RAB7A: variants seen among roughly 807,000 people sequenced by gnomAD.
RAB7A encodes the protein ras-related protein Rab-7a.
A neutral mutation model predicts 24.5 loss-of-function variants in RAB7A; 2 were observed. The observed-to-expected ratio is 0.08, with a 90% confidence interval of 0.03 to 0.26. RAB7A has a LOEUF of 0.26. Among genes scored for constraint, RAB7A ranks in the 10% least tolerant of loss-of-function variants. The probability of loss-of-function intolerance (pLI) is 1.00; values close to 1 mark genes in which losing one functional copy is unlikely to be tolerated. For missense variants in RAB7A, 118 were observed against 255.7 expected, an observed-to-expected ratio of 0.46 and a Z score of 3.67; for synonymous variants, 100 against 95.9, an observed-to-expected ratio of 1.04 and a Z score of -0.25.
intron 1 of RAB7A, among the ~76,000 whole-genome samples, chr3:128,790,352 T>G (rs1270856974): frequency 6.6e-6 from 1 of 152,204 alleles, no homozygotes; most frequent in African/African-American, 2.4e-5. Flanking sequence ...AGAAATTGAT[T>G]TGAAAAAATC....
At chr3:128,753,527 G>T (rs1576277738) in intron 1 of RAB7A, among the ~76,000 whole-genome samples, 2 of 152,272 alleles carry the variant, frequency 1.3e-5, no homozygotes, top group East Asian at 3.9e-4. Context: ...TAGTCTTTTT[G>T]TGCTGCTATA....
At chr3:128,794,233 A>T (rs1022529383) in intron 1 of RAB7A, among the ~76,000 whole-genome samples, 2 of 152,190 alleles carry the variant, frequency 1.3e-5, no homozygotes, top group African/African-American at 4.8e-5. Flanking sequence ...TGTATTTGGC[A>T]TACCTTAAGA....
rs1407284852 is a variant in RAB7A, at chr3:128,813,905, C to G, written c.*483C>G. 2 of 240,146 alleles carry G rather than the reference C, an allele frequency of 8.3e-6. No homozygotes were observed. Among genetic ancestry groups the G allele is most frequent in the Admixed American group, 5.1e-5 (1 of 19,758 alleles). The allele number at this position is 240,146 out of a possible 1,614,324, so 14.9% of individuals were successfully genotyped here. On this transcript the variant is annotated 3_prime_UTR_variant, in exon 6 of 6. Coordinates refer to ENST00000265062, the MANE Select transcript of RAB7A (RefSeq NM_004637.6). ...GCTACCCCTTGGGAAGGCTGGTGCCCCATGCCCCATTACAGGCTCACACCC... is the reference window on the plus strand; with the variant it reads ...GCTACCCCTTGGGAAGGCTGGTGCCGCATGCCCCATTACAGGCTCACACCC...
chr3:128,799,634 TCACCTACACAC>T (rs1933657540), intron 3 of RAB7A, among the ~76,000 whole-genome samples: 1 of 150,668 alleles, frequency 6.6e-6, no homozygotes, highest in Non-Finnish European at 1.5e-5. Flanking sequence ...CATCCTCACC[TCACCTACACAC>T]ATACACCTAG....
At chr3:128,747,002 C>T (rs1235520363) in intron 1 of RAB7A, among the ~76,000 whole-genome samples, 1 of 151,460 alleles carries the variant, frequency 6.6e-6, no homozygotes, top group Non-Finnish European at 1.5e-5. Context: ...AATTAAAAAT[C>T]ATATTAACTG....
At chr3:128,802,981 T>G (rs2107614307) in intron 3 of RAB7A, among the ~76,000 whole-genome samples, 1 of 152,202 alleles carries the variant, frequency 6.6e-6, no homozygotes, top group East Asian at 1.9e-4. Context: ...ATTTTTTGTA[T>G]TTATTTTTAG....
chr3:128,731,362 G>A (rs1381790404), intron 1 of RAB7A, among the ~76,000 whole-genome samples: 1 of 152,164 alleles, frequency 6.6e-6, no homozygotes, highest in African/African-American at 2.4e-5. Context: ...ACAGATATGA[G>A]GATCCCTGAG....
chr3:128,783,981 G>A (rs1186404191), intron 1 of RAB7A, among the ~76,000 whole-genome samples: 1 of 152,144 alleles, frequency 6.6e-6, no homozygotes, highest in Admixed American at 6.5e-5. Flanking sequence ...CCACCAGACA[G>A]CAGACCTCTA....
chr3:128,766,671 T>A (rs1260399445), intron 1 of RAB7A, among the ~76,000 whole-genome samples: 1 of 152,228 alleles, frequency 6.6e-6, no homozygotes, highest in Admixed American at 6.5e-5. Flanking sequence ...GCAGAGCAGA[T>A]CCCATAGGAA....
intron 1 of RAB7A, among the ~76,000 whole-genome samples, chr3:128,736,527 C>G (rs1449385649): frequency 1.3e-5 from 2 of 152,088 alleles, no homozygotes; most frequent in African/African-American, 4.8e-5. Context: ...ATTCTTACTC[C>G]AACCAAAGGA....
chr3:128,752,553 G>C (rs1344468758), intron 1 of RAB7A, among the ~76,000 whole-genome samples: 1 of 152,064 alleles, frequency 6.6e-6, no homozygotes, highest in Non-Finnish European at 1.5e-5. Context: ...CTGTTTGTCA[G>C]GTCACCAAAA....
chr3:128,787,835 C>T (rs1483994526), intron 1 of RAB7A, among the ~76,000 whole-genome samples: 4 of 152,168 alleles, frequency 2.6e-5, no homozygotes, highest in Non-Finnish European at 4.4e-5. Context: ...CTCGGCCTGC[C>T]GAGTAACTGG....
intron 1 of RAB7A, among the ~76,000 whole-genome samples, chr3:128,742,887 C>T (rs750498812): frequency 6.6e-6 from 1 of 152,238 alleles, no homozygotes; most frequent in African/African-American, 2.4e-5. Flanking sequence ...GTGCCAGGGC[C>T]ACGGGCGGAG....
chr3:128,795,751 C>CTTTTTTTTTTTTTTTTT (rs71153147), intron 2 of RAB7A, among the ~76,000 whole-genome samples: 2,911 of 42,992 alleles, frequency 0.068, 1,276 homozygotes, highest in South Asian at 0.1. Context: ...AGCAGATGTG[C>CTTTTTTTTTTTTTTTTT]TTTTTTTTTT....
Position 128,789,472 on chromosome 3 carries a change from A to G in RAB7A, c.-8-5888A>G, listed in dbSNP as rs151299968. 3.8e-4 allele frequency among the ~76,000 whole-genome samples: 58 copies of G among 151,712 alleles called. 1 individual carries two copies. The East Asian group carries it at 0.011, about 28-fold the overall frequency. On this transcript the variant is annotated intron_variant, in intron 1 of 5. Coordinates refer to ENST00000265062, the MANE Select transcript of RAB7A (RefSeq NM_004637.6). The stretch of plus-strand genomic sequence containing the variant: ...TGCCTCAGCCTCCCGAGTAGTTATT[A>G]CAGGTGTGTTTCACCACACCCAGCT...
chr3:128,737,319 G>A (rs540282696), intron 1 of RAB7A, among the ~76,000 whole-genome samples: 6 of 145,720 alleles, frequency 4.1e-5, no homozygotes, highest in Non-Finnish European at 6.0e-5. Flanking sequence ...GATTACAGGC[G>A]TGAGCCACCG....
Position 128,813,603 on chromosome 3 carries a change from GCACACACACACA to G in RAB7A, c.*186_*197del, listed in dbSNP as rs139417205. The G allele has an allele frequency of 7.6e-5, 39 of 512,860 alleles. No individual in the cohort carries two copies. The highest frequency in any genetic ancestry group is 6.0e-4 in the African/African-American group (31 of 51,292). 31.8% of individuals were successfully genotyped at this position (512,860 alleles called of 1,614,324 possible). A position where few individuals can be genotyped will look rare whatever the true frequency, so the allele number is the denominator to read the frequency against. On this transcript the variant is annotated 3_prime_UTR_variant, in exon 6 of 6. Transcript: ENST00000265062. ...ATATCTCTCACACACACACACACAC[GCACACACACACA>G]CACAGATCTGACGTAATCAAACTCC...
chr3:128,753,082 T>C (rs555118307), intron 1 of RAB7A, among the ~76,000 whole-genome samples: 1 of 152,278 alleles, frequency 6.6e-6, no homozygotes, highest in African/African-American at 2.4e-5. Flanking sequence ...CCCCAGAAGA[T>C]CATCATCGGA....
At chr3:128,761,509 C>G (rs2070775918) in intron 1 of RAB7A, among the ~76,000 whole-genome samples, 1 of 152,158 alleles carries the variant, frequency 6.6e-6, no homozygotes, top group Non-Finnish European at 1.5e-5. Context: ...CTTTGCATCT[C>G]TAGCAGTTGG....
Sources: gnomAD v4.1 joint callset for allele counts (sites outside exome capture counted in the v4.1 genomes callset) on GRCh38, gnomAD v4.1.1 for gene constraint, MANE v1.5 for transcripts, NCBI Gene and HGNC (gene_info 2026-07-23, HGNC 2026-07-21) for gene names.